Variants in AKT3 observed in about 807,000 individuals in gnomAD.
AKT3 encodes the protein AKT serine/threonine kinase 3.
A neutral mutation model predicts 65.3 loss-of-function variants in AKT3; 15 were observed. The ratio of observed to expected loss-of-function variants is 0.23; its 90% confidence interval spans 0.15 to 0.35. The LOEUF is 0.35. Ranked by LOEUF, AKT3 falls within the 10% of genes least tolerant of loss-of-function variation. The probability of loss-of-function intolerance (pLI) is 1.00; values close to 1 mark genes in which losing one functional copy is unlikely to be tolerated. For missense variants in AKT3, 243 were observed against 576.5 expected, an observed-to-expected ratio of 0.42 and a Z score of 5.92; for synonymous variants, 206 against 183.8, an observed-to-expected ratio of 1.12 and a Z score of -0.98.
chr1:243,818,169 G>A (rs957901702), intron 2 of AKT3: 4 of 152,174 alleles, frequency 2.6e-5, no homozygotes, highest in Admixed American at 6.5e-5. Flanking sequence ...TACAAATCTC[G>A]ATTTTGCAGA....
Position 243,503,465 on chromosome 1 carries a change from TA to T in AKT3, c.*1783del, listed in dbSNP as rs1469336282. ...CGTTTGGGAGCTGTCAGAGTTTAACTAAAATACATTTCCATGATCACTCCGC... is the reference window on the plus strand; with the variant it reads ...CGTTTGGGAGCTGTCAGAGTTTAACTAAATACATTTCCATGATCACTCCGC... On this transcript the variant is annotated 3_prime_UTR_variant, in exon 14 of 14. Transcript: ENST00000673466. 2.6e-5 allele frequency: 6 copies of T among 233,572 alleles called. No homozygotes were observed. The highest frequency in any genetic ancestry group is 5.1e-5 in the Non-Finnish European group (6 of 117,982). 14.5% of individuals were successfully genotyped at this position (233,572 alleles called of 1,614,324 possible).
chr1:243,749,418 T>G (rs1688670162), intron 2 of AKT3, among the ~76,000 whole-genome samples: 1 of 152,158 alleles, frequency 6.6e-6, no homozygotes, highest in African/African-American at 2.4e-5. Flanking sequence ...CTTTCTCATT[T>G]TATAATATCC....
intron 3 of AKT3, among the ~76,000 whole-genome samples, chr1:243,682,888 A>G (rs758344509): frequency 6.6e-6 from 1 of 152,200 alleles, no homozygotes. Flanking sequence ...TTCTGTCTTT[A>G]ATGATACCTC....
chr1:243,772,722 A>G (rs1177334445), intron 2 of AKT3, among the ~76,000 whole-genome samples: 1 of 152,212 alleles, frequency 6.6e-6, no homozygotes, highest in Non-Finnish European at 1.5e-5. Flanking sequence ...ATGCTGCTAT[A>G]AAGACACATG....
chr1:243,814,652 G>A (rs1693393627), intron 2 of AKT3: 1 of 152,130 alleles, frequency 6.6e-6, no homozygotes, highest in Non-Finnish European at 1.5e-5. Flanking sequence ...CCCACTACCT[G>A]CCTCTGTTGC....
At chr1:243,578,778 T>C (rs930665300) in intron 8 of AKT3, among the ~76,000 whole-genome samples, 2 of 152,170 alleles carry the variant, frequency 1.3e-5, no homozygotes, top group African/African-American at 4.8e-5. Flanking sequence ...TACAGACTGC[T>C]AAACAATTTT....
Position 243,552,959 on chromosome 1 carries a change from G to A in AKT3, c.949-16C>T, listed in dbSNP as rs1308117234. 1 of 1,533,004 alleles carries A rather than the reference G, an allele frequency of 6.5e-7. No individual in the cohort carries two copies. Among genetic ancestry groups the A allele is most frequent in the South Asian group, 1.2e-5 (1 of 82,336 alleles). 95.0% of individuals were successfully genotyped at this position (1,533,004 alleles called of 1,614,324 possible). A position where few individuals can be genotyped will look rare whatever the true frequency, so the allele number is the denominator to read the frequency against. ...CTTCTAACACCTAAAAGTGAAATCA[G>A]TAAAAAGATTAATTATTACATGTTA... On this transcript the variant is annotated splice_polypyrimidine_tract_variant and intron_variant, in intron 10 of 13. Coordinates refer to ENST00000673466, the MANE Select transcript of AKT3 (RefSeq NM_005465.7).
At chr1:243,692,599 A>ACC (rs1684766354) in intron 3 of AKT3, among the ~76,000 whole-genome samples, 1 of 152,136 alleles carries the variant, frequency 6.6e-6, no homozygotes, top group East Asian at 1.9e-4. Context: ...TTAGCCAGGC[A>ACC]TGGTGGTGTG....
chr1:243,569,361 A>G (rs1674390528), intron 9 of AKT3, among the ~76,000 whole-genome samples: 1 of 152,242 alleles, frequency 6.6e-6, no homozygotes, highest in Non-Finnish European at 1.5e-5. Context: ...CAATACCAGT[A>G]CAATTTTATT....
intron 2 of AKT3, among the ~76,000 whole-genome samples, chr1:243,721,494 T>C (rs1288885044): frequency 6.6e-6 from 1 of 152,160 alleles, no homozygotes; most frequent in Admixed American, 6.5e-5. Flanking sequence ...GGCTCCTGTG[T>C]CATGTAAAAC....
chr1:243,583,540 C>CAAAAAAAAAAAAAAAG (rs1675566072), intron 8 of AKT3, among the ~76,000 whole-genome samples: 1 of 30,012 alleles, frequency 3.3e-5, no homozygotes, highest in African/African-American at 1.0e-4. Flanking sequence ...AAGTAAGTCT[C>CAAAAAAAAAAAAAAAG]AAAAAAAAAA....
At chr1:243,576,665 C>T (rs2148515201) in intron 8 of AKT3, among the ~76,000 whole-genome samples, 1 of 152,208 alleles carries the variant, frequency 6.6e-6, no homozygotes, top group Admixed American at 6.5e-5. Context: ...ATACAGCTAA[C>T]AAGGGAAGTG....
intron 8 of AKT3, among the ~76,000 whole-genome samples, chr1:243,583,074 C>A (rs1675494368): frequency 6.7e-6 from 1 of 149,302 alleles, no homozygotes; most frequent in Non-Finnish European, 1.5e-5. Context: ...TTAACTATCA[C>A]ATATATATCT....
intron 8 of AKT3, among the ~76,000 whole-genome samples, chr1:243,598,074 T>A (rs1194284125): frequency 5.3e-5 from 8 of 152,190 alleles, no homozygotes; most frequent in Non-Finnish European, 1.2e-4. Context: ...GGCAAAGGCA[T>A]AGGAAAATGA....
chr1:243,564,085 T>C (rs543691594), intron 9 of AKT3, among the ~76,000 whole-genome samples: 31 of 152,342 alleles, frequency 2.0e-4, no homozygotes, highest in Non-Finnish European at 3.5e-4. Context: ...ATAAGTGATA[T>C]AGCTTTAAGA....
rs60047036 is a variant in AKT3, at chr1:243,550,958, C to CAAAAAAAAAA, written c.1163+1761_1163+1770dup. On this transcript the variant is annotated intron_variant, in intron 11 of 13. Transcript: ENST00000673466. The stretch of plus-strand genomic sequence containing the variant: ...CAGACAACAGAGCGAGACTCCCTCT[C>CAAAAAAAAAA]AAAAAAAAAAAAAAAAAAAAAAAAA... Among the ~76,000 whole-genome samples, 37 of 17,536 alleles carry CAAAAAAAAAA rather than the reference C, an allele frequency of 2.1e-3. 2 individuals are homozygous for CAAAAAAAAAA. The highest frequency in any genetic ancestry group is 6.2e-3 in the African/African-American group (31 of 5,008). The allele number at this position is 17,536 out of a possible 152,430, so 11.5% of individuals were successfully genotyped here.
intron 2 of AKT3, among the ~76,000 whole-genome samples, chr1:243,796,763 A>C (rs1692039826): frequency 6.6e-6 from 1 of 152,118 alleles, no homozygotes; most frequent in South Asian, 2.1e-4. Flanking sequence ...GACAGACAAA[A>C]TGTGGTACAT....
At chr1:243,808,588 C>A (rs1417060409) in intron 2 of AKT3, among the ~76,000 whole-genome samples, 2 of 152,094 alleles carry the variant, frequency 1.3e-5, no homozygotes, top group African/African-American at 2.4e-5. Flanking sequence ...AGAATGGAAC[C>A]AAGTTGGAAA....
At chr1:243,544,361 C>T (rs1255036398) in intron 12 of AKT3, among the ~76,000 whole-genome samples, 8 of 151,658 alleles carry the variant, frequency 5.3e-5, no homozygotes, top group African/African-American at 1.7e-4. Context: ...CAGTGGTTCA[C>T]GTCTGTAATC....
Sources: allele counts gnomAD v4.1 joint callset (sites outside exome capture counted in the v4.1 genomes callset), GRCh38; gene constraint gnomAD v4.1.1; transcripts MANE v1.5; gene names NCBI Gene and HGNC (gene_info 2026-07-23, HGNC 2026-07-21).